The following LRRC4C variants were observed in gnomAD, a reference collection of about 807,000 sequenced individuals.
The protein encoded by LRRC4C is leucine-rich repeat-containing protein 4C.
A neutral mutation model predicts 33.6 loss-of-function variants in LRRC4C; 5 were observed. The observed-to-expected ratio is 0.15, with a 90% CI of 0.08 to 0.31. The LOEUF (loss-of-function observed/expected upper bound fraction) is 0.31, where lower values mean the gene tolerates loss of function less well. Among genes scored for constraint, LRRC4C ranks in the 10% least tolerant of loss-of-function variants. The pLI is 1.00. For synonymous variants in LRRC4C, 329 were observed against 302.0 expected (o/e 1.09, Z -0.93); for missense variants, 560 against 796.7 (o/e 0.70, Z 3.58).
intron 2 of LRRC4C, among the ~76,000 whole-genome samples, chr11:40,782,907 T>C (rs1436243056): frequency 6.6e-6 from 1 of 152,118 alleles, no homozygotes; most frequent in African/African-American, 2.4e-5. Context: ...TACATATGTG[T>C]ATGTATGTAT....
At chr11:41,075,027 T>TTATTTTTTTTTA (rs1850743801) in intron 1 of LRRC4C, among the ~76,000 whole-genome samples, 3 of 102,976 alleles carry the variant, frequency 2.9e-5, no homozygotes, top group Admixed American at 2.0e-4. Context: ...TTTTTTTTTT[T>TTATTTTTTTTTA]TTTTTTTTTA....
chr11:40,424,465 T>C (rs1453702580), intron 3 of LRRC4C, among the ~76,000 whole-genome samples: 1 of 152,224 alleles, frequency 6.6e-6, no homozygotes, highest in Non-Finnish European at 1.5e-5. Flanking sequence ...TTTGCAGTTA[T>C]TTCTTACAGA....
Position 41,170,915 on chromosome 11 carries a change from C to A in LRRC4C, c.-495-237192G>T, listed in dbSNP as rs536281546. ...ACTCAAACACATTTACAAGAAAAAA[C>A]AAACAACCCCATCAAAAAGTGGGTG... On this transcript the variant is annotated intron_variant, in intron 1 of 6. Coordinates refer to ENST00000528697, the MANE Select transcript of LRRC4C (RefSeq NM_001258419.2). 2.5e-3 allele frequency among the ~76,000 whole-genome samples: 380 copies of A among 152,072 alleles called. 2 individuals are homozygous for A. The highest frequency in any genetic ancestry group is 8.7e-3 in the African/African-American group (361 of 41,478).
chr11:41,291,713 G>C (rs1017063105), intron 1 of LRRC4C, among the ~76,000 whole-genome samples: 1 of 152,112 alleles, frequency 6.6e-6, no homozygotes, highest in African/African-American at 2.4e-5. Flanking sequence ...CATAGAAAGA[G>C]GAGACTGAAC....
intron 3 of LRRC4C, among the ~76,000 whole-genome samples, chr11:40,472,757 A>C (rs546126553): frequency 2.6e-5 from 4 of 152,136 alleles, no homozygotes; most frequent in Non-Finnish European, 5.9e-5. Flanking sequence ...AGACACAATA[A>C]AAATGATAAA....
At chr11:40,585,099 G>C (rs1259845319) in intron 3 of LRRC4C, among the ~76,000 whole-genome samples, 1 of 152,126 alleles carries the variant, frequency 6.6e-6, no homozygotes, top group Non-Finnish European at 1.5e-5. Context: ...GAACAGGTAT[G>C]GTTGGCCTAT....
At chr11:40,373,533 G>T (rs1948542550) in intron 3 of LRRC4C, among the ~76,000 whole-genome samples, 1 of 152,062 alleles carries the variant, frequency 6.6e-6, no homozygotes, top group Admixed American at 6.6e-5. Context: ...ATGAAAAAAA[G>T]TCCAAATAAC....
rs549204182 is a variant in LRRC4C, at chr11:41,214,758, A to AATATAT, written c.-496+244667_-496+244672dup. Among the ~76,000 whole-genome samples the AATATAT allele has an allele frequency of 8.1e-4, 114 of 141,302 alleles. 1 individual carries two copies. Among genetic ancestry groups the AATATAT allele is most frequent in the African/African-American group, 2.7e-3 (103 of 38,028 alleles). The allele number at this position is 141,302 out of a possible 152,430, so 92.7% of individuals were successfully genotyped here. On this transcript the variant is annotated intron_variant, in intron 1 of 6. Transcript: ENST00000528697. ...GAGCCAGACTCCATCTCAAAAATAA[A>AATATAT]ATATATATATATATATACACACATA... is the stretch of plus-strand genomic sequence containing the variant.
intron 3 of LRRC4C, among the ~76,000 whole-genome samples, chr11:40,322,700 C>T (rs993708998): frequency 2.0e-5 from 3 of 152,118 alleles, no homozygotes; most frequent in African/African-American, 4.8e-5. Context: ...CTTCATCTTT[C>T]TATGGGTCAC....
At chr11:41,144,209 G>T (rs1175123955) in intron 1 of LRRC4C, among the ~76,000 whole-genome samples, 1 of 152,174 alleles carries the variant, frequency 6.6e-6, no homozygotes, top group East Asian at 1.9e-4. Flanking sequence ...CTCTGGTACA[G>T]CTTTCAGCTG....
intron 1 of LRRC4C, among the ~76,000 whole-genome samples, chr11:41,448,762 A>G (rs1175453718): frequency 1.3e-5 from 2 of 152,188 alleles, no homozygotes; most frequent in Admixed American, 6.6e-5. Flanking sequence ...TTGTCCTGAC[A>G]TTTGCTATAT....
At chr11:40,765,778 T>C (rs888758439) in intron 2 of LRRC4C, among the ~76,000 whole-genome samples, 1 of 147,816 alleles carries the variant, frequency 6.8e-6, no homozygotes, top group African/African-American at 2.5e-5. Context: ...AAATATGCAG[T>C]CAGAGAAGAA....
chr11:41,434,001 A>G (rs890351339), intron 1 of LRRC4C, among the ~76,000 whole-genome samples: 3 of 152,092 alleles, frequency 2.0e-5, no homozygotes, highest in Admixed American at 2.0e-4. Flanking sequence ...CCAATTATAG[A>G]ACTTACTAAA....
intron 3 of LRRC4C, among the ~76,000 whole-genome samples, chr11:40,459,451 A>G (rs573548387): frequency 1.3e-5 from 2 of 152,330 alleles, no homozygotes; most frequent in African/African-American, 4.8e-5. Flanking sequence ...AGGAAGCATT[A>G]TAACTTATTA....
At chr11:40,241,160 G>T (rs184336278) in intron 5 of LRRC4C, among the ~76,000 whole-genome samples, 34 of 152,206 alleles carry the variant, frequency 2.2e-4, no homozygotes, top group Admixed American at 1.9e-3. Context: ...TTGAAGCCTG[G>T]AGTTCTAATT....
intron 1 of LRRC4C, among the ~76,000 whole-genome samples, chr11:41,381,790 A>G (rs1174295236): frequency 6.6e-6 from 1 of 151,764 alleles, no homozygotes; most frequent in East Asian, 1.9e-4. Flanking sequence ...ATGAATATAT[A>G]TATTTGAAAA....
Position 40,656,449 on chromosome 11 carries a change from G to A in LRRC4C, c.-406-8171C>T, listed in dbSNP as rs1379208698. On this transcript the variant is annotated intron_variant, in intron 2 of 6. Transcript: ENST00000528697. Reference sequence around the variant, plus strand: ...TTTGTGTCCCTAGTATGGTAAGAGTGCTTGTATTACAGAAGTGGGTCACTT... The same window carrying A: ...TTTGTGTCCCTAGTATGGTAAGAGTACTTGTATTACAGAAGTGGGTCACTT... Among the ~76,000 whole-genome samples, 15 of 150,002 alleles carry A rather than the reference G, an allele frequency of 1.0e-4. No homozygotes were observed. In the Admixed American group the frequency reaches 1.0e-3, roughly 10 times the overall value.
chr11:40,645,366 C>T (rs1414319592), intron 3 of LRRC4C, among the ~76,000 whole-genome samples: 4 of 152,116 alleles, frequency 2.6e-5, no homozygotes, highest in Admixed American at 1.3e-4. Context: ...TACAATCTCT[C>T]AGTTCAAGTC....
intron 2 of LRRC4C, among the ~76,000 whole-genome samples, chr11:40,682,595 G>A (rs1457630773): frequency 1.5e-4 from 23 of 151,952 alleles, no homozygotes. Flanking sequence ...GGCCCAAATG[G>A]CGAAACCCAA....
Sources: gnomAD v4.1 joint callset for allele counts (sites outside exome capture counted in the v4.1 genomes callset) on GRCh38, gnomAD v4.1.1 for gene constraint, MANE v1.5 for transcripts, NCBI Gene and HGNC (gene_info 2026-07-23, HGNC 2026-07-21) for gene names.